Variants in KCNAB2 observed in about 807,000 individuals in gnomAD.
The protein encoded by KCNAB2 is voltage-gated potassium channel subunit beta-2.
In KCNAB2, 29 loss-of-function variants were observed where a neutral mutation model predicts 63.6. The observed-to-expected ratio is 0.46, with a 90% confidence interval of 0.34 to 0.62. The LOEUF is 0.62. Ranked by LOEUF, KCNAB2 falls within the 20% of genes least tolerant of loss-of-function variation. The pLI is 0.01. For missense variants in KCNAB2, 359 were observed against 563.9 expected (o/e 0.64, Z 3.68); for synonymous variants, 222 against 224.2 (o/e 0.99, Z 0.09).
At chr1:6,032,675 A>G (rs1659718393), upstream of KCNAB2, among the ~76,000 whole-genome samples, 1 of 152,154 alleles carries the variant, frequency 6.6e-6, no homozygotes, top group African/African-American at 2.4e-5. Context: ...AGAAAGAGCT[A>G]TGCCCTGGCA....
upstream of KCNAB2, among the ~76,000 whole-genome samples, chr1:6,033,925 G>C (rs1380455253): frequency 2.6e-5 from 4 of 152,186 alleles, no homozygotes; most frequent in Non-Finnish European, 5.9e-5. Flanking sequence ...AGACCAAGTG[G>C]AAGTGGAGCT....
At chr1:6,045,797 C>T (rs1002996927), upstream of KCNAB2, 14 of 596,316 alleles carry the variant, frequency 2.3e-5, no homozygotes, top group East Asian at 1.4e-4. The surrounding 1 kb of genome is among the most constrained non-coding windows in gnomAD (Gnocchi z 4.8). Flanking sequence ...GTTTCTGGCA[C>T]GCGGGGATGG....
At position 6,096,471 on chromosome 1, in the gene KCNAB2, T is replaced by A. The variant is rs746562963; in HGVS notation, c.949-165T>A. 207 of 935,114 alleles carry A rather than the reference T, an allele frequency of 2.2e-4. No individual in the cohort carries two copies. The highest frequency in any genetic ancestry group is 1.7e-3 in the Middle Eastern group (7 of 4,072). 57.9% of individuals were successfully genotyped at this position (935,114 alleles called of 1,614,324 possible). The stretch of plus-strand genomic sequence containing the variant: ...GCCCGGCCCACTGCCCACTCTCCCC[T>A]ACTTGAGAGGCCTGGGGCAGGGGCA... On this transcript the variant is annotated intron_variant, in intron 13 of 15. Coordinates refer to ENST00000378083, the MANE Select transcript of KCNAB2 (RefSeq NM_001199862.2). The surrounding 1 kb of genome is among the most constrained non-coding windows in gnomAD (Gnocchi z 5.9).
chr1:6,039,109 G>A lies in KCNAB2; in HGVS notation c.-52-1408G>A, dbSNP rs183323587. Among the ~76,000 whole-genome samples the A allele has an allele frequency of 1.4e-4, 22 of 152,326 alleles. No homozygotes were observed. The East Asian group carries it at 4.1e-3, about 28-fold the overall frequency. ...CGTGGTGTCGGCCGGGGAGCAGCAG[G>A]GACCCCTGAGCCCCACAGTCGGGGC... On this transcript the variant is annotated intron_variant, in intron 1 of 15. Coordinates refer to the KCNAB2 transcript ENST00000164247.
In KCNAB2 at chr1:5,999,061, C is replaced by T. The variant is rs183035276; in HGVS notation, c.-53+6273C>T. ...ACTGCCAGCAGCACCCTCTTTCGTC[C>T]GCCCCTTTAGAGACGATTTCAACGG... is the stretch of plus-strand genomic sequence containing the variant. On this transcript the variant is annotated intron_variant, in intron 1 of 16. Coordinates refer to the KCNAB2 transcript ENST00000341524. 7.9e-5 allele frequency among the ~76,000 whole-genome samples: 12 copies of T among 152,362 alleles called. No individual in the cohort carries two copies. In the East Asian group the frequency reaches 1.5e-3, roughly 20 times the overall value.
chr1:6,076,757 G>A (rs1663701128), intron 4 of KCNAB2, among the ~76,000 whole-genome samples: 2 of 152,234 alleles, frequency 1.3e-5, no homozygotes, highest in African/African-American at 4.8e-5. Context: ...TGACAGGGAG[G>A]TGGCCTGTAT....
chr1:6,034,054 C>G (rs1659839746), upstream of KCNAB2, among the ~76,000 whole-genome samples: 1 of 152,144 alleles, frequency 6.6e-6, no homozygotes, highest in African/African-American at 2.4e-5. Context: ...TCTCCCAAGT[C>G]CCGGAGGTGT....
chr1:5,999,693 C>T (rs562164548), intron 1 of KCNAB2, among the ~76,000 whole-genome samples: 196 of 152,174 alleles, frequency 1.3e-3, no homozygotes, highest in African/African-American at 4.5e-3. Flanking sequence ...CGAGTGCTTG[C>T]CCACGGCAGA....
chr1:6,044,004 C>T (rs4908733), upstream of KCNAB2, among the ~76,000 whole-genome samples: 53,466 of 152,104 alleles, frequency 0.35, 11,838 homozygotes, highest in African/African-American at 0.63. Flanking sequence ...CTGGGGCCTA[C>T]CCCAGGCATG....
intron 1 of KCNAB2, chr1:6,026,167 C>A (rs1426818353): frequency 6.6e-6 from 1 of 152,538 alleles, no homozygotes; most frequent in African/African-American, 2.4e-5. Context: ...CATCTGGCCG[C>A]TGCTCATCCA....
At position 6,099,801 on chromosome 1, in the gene KCNAB2, C is replaced by T. The variant is rs1314740556; in HGVS notation, c.*1227C>T. On this transcript the variant is annotated 3_prime_UTR_variant, in exon 16 of 16. Transcript: ENST00000378083. Reference sequence around the variant, plus strand: ...CAGGGCTGGTTAGCCCCTCCCACTGCCTGACACCTGGGACAGGCTGGGCAG... The same window carrying T: ...CAGGGCTGGTTAGCCCCTCCCACTGTCTGACACCTGGGACAGGCTGGGCAG... 1 of 1,511,780 alleles carries T rather than the reference C, an allele frequency of 6.6e-7. No individual in the cohort carries two copies. Among genetic ancestry groups the T allele is most frequent in the Non-Finnish European group, 8.9e-7 (1 of 1,127,782 alleles). 93.6% of individuals were successfully genotyped at this position (1,511,780 alleles called of 1,614,324 possible).
At chr1:6,016,907 G>A (rs904501782) in intron 1 of KCNAB2, among the ~76,000 whole-genome samples, 2 of 152,164 alleles carry the variant, frequency 1.3e-5, no homozygotes, top group East Asian at 1.9e-4. Flanking sequence ...TTATGAAAGC[G>A]GATTTGTGTG....
chr1:6,077,141 G>T (rs1663734543), intron 4 of KCNAB2, among the ~76,000 whole-genome samples: 1 of 151,734 alleles, frequency 6.6e-6, no homozygotes, highest in Non-Finnish European at 1.5e-5. Flanking sequence ...AGCCATGATC[G>T]CACCACTGCA....
intron 2 of KCNAB2, among the ~76,000 whole-genome samples, chr1:6,055,445 TC>T (rs1393761117): frequency 1.4e-5 from 2 of 145,798 alleles, no homozygotes; most frequent in Non-Finnish European, 3.0e-5. Context: ...AACCTCTGCC[TC>T]CCAGGTTCAA....
At position 6,095,376 on chromosome 1, in the gene KCNAB2, G is replaced by A; in HGVS notation, c.786G>A (p.Gln262=). The change falls in exon 12 of 16, where the codon CAG becomes CAA. Residue 262 remains glutamine (Q), a synonymous_variant. Transcript: ENST00000378083. The part of the protein sequence containing the change: ...QFNLTPPICE[Q]AEYHMFQREK... ...ACCTGACCCCGCCCATCTGCGAGCA[G>A]GCTGAGTACCACATGTTCCAGCGTG... 3 of 1,613,110 alleles carry A rather than the reference G, an allele frequency of 1.9e-6. No homozygotes were observed. The highest frequency in any genetic ancestry group is 2.5e-6 in the Non-Finnish European group (3 of 1,180,038).
rs570455654 is a variant in KCNAB2 at position 6,039,670 on chromosome 1, CG to C, written c.-52-844del. ...CCTGAGCTGCAGTCGAGGTTCTTGC[CG>C]GGACTGGGCTCACCTTGGAAACCTC... On this transcript the variant is annotated intron_variant, in intron 1 of 15. Transcript: ENST00000164247. Among the ~76,000 whole-genome samples, 509 of 152,296 alleles carry C rather than the reference CG, an allele frequency of 3.3e-3. 1 individual carries two copies. The highest frequency in any genetic ancestry group is 4.5e-3 in the Non-Finnish European group (305 of 68,020).
chr1:6,074,653 C>A lies in KCNAB2; in HGVS notation c.300+883C>A, dbSNP rs2100668926. On this transcript the variant is annotated intron_variant, in intron 4 of 15. Transcript: ENST00000378083. This position sits in a 1 kb window ranked among gnomAD's most constrained non-coding sequence, Gnocchi z 4.9. ...AATGCGTACAGTTTGTGTTTGAGGT[C>A]ACTTTTATCTTTAAGACACTAGCTG... Among the ~76,000 whole-genome samples the A allele has an allele frequency of 6.6e-6, 1 of 152,256 alleles. No individual in the cohort carries two copies. The highest frequency in any genetic ancestry group is 1.9e-4 in the East Asian group (1 of 5,172).
chr1:5,999,947 C>T (rs1336915040), intron 1 of KCNAB2, among the ~76,000 whole-genome samples: 1 of 151,854 alleles, frequency 6.6e-6, no homozygotes, highest in Non-Finnish European at 1.5e-5. Context: ...TGCGCCCTGT[C>T]TGTGCCCCGT....
chr1:6,058,267 A>G (rs1016513658), intron 2 of KCNAB2, among the ~76,000 whole-genome samples: 3 of 152,326 alleles, frequency 2.0e-5, no homozygotes, highest in South Asian at 2.1e-4. Flanking sequence ...ATAAAGTCAC[A>G]CTCACAGGTA....
Sources: allele counts gnomAD v4.1 joint callset (sites outside exome capture counted in the v4.1 genomes callset), GRCh38; gene constraint gnomAD v4.1.1; non-coding constraint Gnocchi (gnomAD v3.1); transcripts MANE v1.5; gene names NCBI Gene and HGNC (gene_info 2026-07-23, HGNC 2026-07-21).